The following CATSPERT variants were observed in gnomAD, a reference collection of about 807,000 sequenced individuals.
The protein encoded by CATSPERT is cation channel sperm-associated targeting subunit tau.
the CATSPERT span, chr2:201,557,182 A>G: frequency 6.6e-6 from 1 of 152,200 alleles, no homozygotes; most frequent in African/African-American, 2.4e-5. Flanking sequence ...TAGCATTTTC[A>G]ATATGATACA....
chr2:201,567,375 A>G, the CATSPERT span, among the ~76,000 whole-genome samples: 1 of 152,236 alleles, frequency 6.6e-6, no homozygotes, highest in Non-Finnish European at 1.5e-5. Context: ...AAGAGAACCA[A>G]TAGGATGTAT....
At chr2:201,588,435 T>C in the CATSPERT span, among the ~76,000 whole-genome samples, 1 of 151,254 alleles carries the variant, frequency 6.6e-6, no homozygotes, top group South Asian at 2.1e-4. Flanking sequence ...AGCTATTGAA[T>C]AAAATTCAAT....
the CATSPERT span, among the ~76,000 whole-genome samples, chr2:201,506,469 C>A: frequency 6.6e-6 from 1 of 152,130 alleles, no homozygotes; most frequent in African/African-American, 2.4e-5. Context: ...TCATGTAATT[C>A]ATTATATAAA....
At chr2:201,588,194 A>G in the CATSPERT span, among the ~76,000 whole-genome samples, 91 of 152,272 alleles carry the variant, frequency 6.0e-4, no homozygotes, top group Non-Finnish European at 1.1e-3. Flanking sequence ...TCAACAAAAA[A>G]GAAAACTTTA....
the CATSPERT span, chr2:201,618,993 C>A: frequency 1.5e-5 from 25 of 1,614,010 alleles, no homozygotes; most frequent in South Asian, 2.5e-4. Context: ...AAGAAGCCTC[C>A]GACCCTTTAA....
At chr2:201,605,326 G>A in the CATSPERT span, among the ~76,000 whole-genome samples, 1 of 152,144 alleles carries the variant, frequency 6.6e-6, no homozygotes, top group African/African-American at 2.4e-5. Flanking sequence ...AATGGCCATA[G>A]AGAAGGGACC....
the CATSPERT span, among the ~76,000 whole-genome samples, chr2:201,568,627 T>G: frequency 1.3e-5 from 2 of 152,166 alleles, no homozygotes; most frequent in African/African-American, 4.8e-5. Context: ...ATCTGTCTTC[T>G]TCACAGGCCA....
the CATSPERT span, among the ~76,000 whole-genome samples, chr2:201,545,123 C>T: frequency 1.1e-4 from 16 of 151,964 alleles, no homozygotes; most frequent in East Asian, 1.5e-3. Flanking sequence ...CTGCAACCTC[C>T]GGCCTCCAAG....
chr2:201,490,117 A>G, the CATSPERT span, among the ~76,000 whole-genome samples: 99 of 152,296 alleles, frequency 6.5e-4, no homozygotes, highest in African/African-American at 2.3e-3. Context: ...TCAGCCTCCC[A>G]AAGTGCTGGG....
chr2:201,571,106 A>G, the CATSPERT span, among the ~76,000 whole-genome samples: 6 of 152,364 alleles, frequency 3.9e-5, no homozygotes, highest in Non-Finnish European at 8.8e-5. Context: ...TGTATTTGCC[A>G]TGACTTGGGG....
At chr2:201,542,497 AG>A in the CATSPERT span, among the ~76,000 whole-genome samples, 169 of 152,310 alleles carry the variant, frequency 1.1e-3, no homozygotes, top group African/African-American at 3.6e-3. Flanking sequence ...ACAGTGTACT[AG>A]GGTTCAAATT....
chr2:201,571,712 C>T, the CATSPERT span, among the ~76,000 whole-genome samples: 1 of 152,132 alleles, frequency 6.6e-6, no homozygotes, highest in African/African-American at 2.4e-5. Context: ...CTTCTTTTAT[C>T]TCCATACGTC....
chr2:201,540,492 G>C, the CATSPERT span, among the ~76,000 whole-genome samples: 1 of 152,094 alleles, frequency 6.6e-6, no homozygotes, highest in South Asian at 2.1e-4. Flanking sequence ...AAAATCCCAG[G>C]GCCCTTAACA....
chr2:201,535,761 T>C, the CATSPERT span: 1 of 1,353,910 alleles, frequency 7.4e-7, no homozygotes, highest in African/African-American at 1.5e-5. Flanking sequence ...ATTTTCGATT[T>C]ATTTGTATTT....
At chr2:201,562,187 CTTTTTT>C in the CATSPERT span, among the ~76,000 whole-genome samples, 3 of 121,274 alleles carry the variant, frequency 2.5e-5, no homozygotes, top group Non-Finnish European at 5.0e-5. Context: ...TCTAATAATT[CTTTTTT>C]TTTTTTTTTT....
chr2:201,555,057 G>A, the CATSPERT span: 1 of 152,104 alleles, frequency 6.6e-6, no homozygotes, highest in African/African-American at 2.4e-5. Flanking sequence ...TCCAATTGCT[G>A]AATCCACAGT....
At chr2:201,511,873 A>AC in the CATSPERT span, 2 of 139,102 alleles carry the variant, frequency 1.4e-5, no homozygotes, top group Non-Finnish European at 3.1e-5. Context: ...AAAAAAAAAA[A>AC]CTCTTCTTTT....
At chr2:201,495,970 C>A in the CATSPERT span, 1 of 1,563,804 alleles carries the variant, frequency 6.4e-7, no homozygotes, top group Non-Finnish European at 8.7e-7. Context: ...AAAAAGCCAC[C>A]TTATAAAAAA....
At chr2:201,605,055 T>TAC in the CATSPERT span, among the ~76,000 whole-genome samples, 2 of 118,926 alleles carry the variant, frequency 1.7e-5, no homozygotes, top group African/African-American at 6.1e-5. Context: ...AATATATATA[T>TAC]ACATACACAC....
Sources: gnomAD v4.1 joint callset for allele counts (sites outside exome capture counted in the v4.1 genomes callset) on GRCh38, gnomAD v4.1.1 for gene constraint, MANE v1.5 for transcripts, NCBI Gene and HGNC (gene_info 2026-07-23, HGNC 2026-07-21) for gene names.